The following PPP2R2B variants were observed in gnomAD, a reference collection of about 807,000 sequenced individuals.
The protein encoded by PPP2R2B is serine/threonine-protein phosphatase 2A 55 kDa regulatory subunit B beta isoform.
In PPP2R2B, 5 loss-of-function variants were observed where a neutral mutation model predicts 46.0. The observed-to-expected ratio is 0.11, with a 90% CI of 0.06 to 0.23. The LOEUF is 0.23. Among genes scored for constraint, PPP2R2B ranks in the 10% least tolerant of loss-of-function variants. The pLI is 1.00. For synonymous variants in PPP2R2B, 215 were observed against 206.7 expected, an observed-to-expected ratio of 1.04 and a Z score of -0.34; for missense variants, 367 against 575.0, an observed-to-expected ratio of 0.64 and a Z score of 3.70.
At chr5:146,660,955 T>C (rs1032956761) in intron 5 of PPP2R2B, among the ~76,000 whole-genome samples, 10 of 152,198 alleles carry the variant, frequency 6.6e-5, no homozygotes, top group Non-Finnish European at 1.3e-4. Context: ...AAACTGTCAC[T>C]GATGCTACAA....
chr5:146,852,743 G>T (rs1760422864), intron 2 of PPP2R2B, among the ~76,000 whole-genome samples: 1 of 152,082 alleles, frequency 6.6e-6, no homozygotes, highest in Non-Finnish European at 1.5e-5. Flanking sequence ...AGTATAGACG[G>T]TCCTAAGTTC....
chr5:146,707,396 G>T lies in PPP2R2B; in HGVS notation c.71-6254C>A, dbSNP rs1779929800. The T allele has an allele frequency of 8.9e-6, 7 of 783,858 alleles. No individual in the cohort carries two copies. The Admixed American group carries it at 1.0e-4, about 11-fold the overall frequency. The allele number at this position is 783,858 out of a possible 1,614,324, so 48.6% of individuals were successfully genotyped here. A position where few individuals can be genotyped will look rare whatever the true frequency, so the allele number is the denominator to read the frequency against. On this transcript the variant is annotated intron_variant, in intron 2 of 9. Transcript: ENST00000394411. Reference sequence around the variant, plus strand: ...TTCACCTTCAGGTTAAGGGGGTTCAGCAGGCTCTGGTTGACTGGGACGGCA... The same window carrying T: ...TTCACCTTCAGGTTAAGGGGGTTCATCAGGCTCTGGTTGACTGGGACGGCA...
At chr5:147,032,531 C>T (rs1755838332) in intron 1 of PPP2R2B, among the ~76,000 whole-genome samples, 1 of 151,774 alleles carries the variant, frequency 6.6e-6, no homozygotes, top group Non-Finnish European at 1.5e-5. Context: ...CCCCCGAGTC[C>T]CCAAAGTCCA....
intron 2 of PPP2R2B, among the ~76,000 whole-genome samples, chr5:146,798,821 C>T (rs1756693085): frequency 6.6e-6 from 1 of 152,134 alleles, no homozygotes; most frequent in African/African-American, 2.4e-5. Flanking sequence ...CCAGGGTATA[C>T]AGCTAACAAA....
chr5:146,893,718 G>A (rs563995153), intron 1 of PPP2R2B, among the ~76,000 whole-genome samples: 1 of 152,208 alleles, frequency 6.6e-6, no homozygotes, highest in Non-Finnish European at 1.5e-5. Flanking sequence ...CTGTCAGTGG[G>A]TGGGAGGAAA....
At position 146,878,546 on chromosome 5, in the gene PPP2R2B, C is replaced by A; in HGVS notation, c.-125+45G>T. 7.9e-7 allele frequency: 1 copy of A among 1,260,834 alleles called. No homozygotes were observed. The highest frequency in any genetic ancestry group is 1.0e-6 in the Non-Finnish European group (1 of 984,686). 78.1% of individuals were successfully genotyped at this position (1,260,834 alleles called of 1,614,324 possible). On this transcript the variant is annotated intron_variant, in intron 1 of 9. Transcript: ENST00000394411. The surrounding 1 kb of genome is among the most constrained non-coding windows in gnomAD (Gnocchi z 4.5). ...CGCGACAAAATGGTGCCTTTCTGGACCCGAGCTGCAGTGGCGAGATGGCAG... is the reference window on the plus strand; with the variant it reads ...CGCGACAAAATGGTGCCTTTCTGGAACCGAGCTGCAGTGGCGAGATGGCAG...
chr5:146,844,181 T>C lies in PPP2R2B; in HGVS notation c.70+33821A>G, dbSNP rs1442736933. On this transcript the variant is annotated intron_variant, in intron 2 of 9. Coordinates refer to ENST00000394411, the MANE Select transcript of PPP2R2B (RefSeq NM_181675.4). ...GATCACATGGACACAGGAAGGGGAA[T>C]ATCACACTCTGGGGACTGTGGTGGG... Among the ~76,000 whole-genome samples the C allele has an allele frequency of 2.8e-5, 3 of 105,752 alleles. No homozygotes were observed. The Admixed American group carries it at 3.6e-4, about 13-fold the overall frequency. The allele number at this position is 105,752 out of a possible 152,430, so 69.4% of individuals were successfully genotyped here.
chr5:146,598,561 CT>C (rs1198554204), intron 8 of PPP2R2B, among the ~76,000 whole-genome samples: 1 of 152,160 alleles, frequency 6.6e-6, no homozygotes. Context: ...GTTTAATTGG[CT>C]TAACAGAGCC....
chr5:146,706,476 A>G, intron 2 of PPP2R2B: 2 of 1,165,958 alleles, frequency 1.7e-6, no homozygotes, highest in Non-Finnish European at 2.5e-6. Context: ...CTCGATGTCC[A>G]GGGTCAGCTT....
intron 2 of PPP2R2B, among the ~76,000 whole-genome samples, chr5:146,705,400 G>T (rs1418601643): frequency 1.3e-5 from 2 of 152,142 alleles, no homozygotes; most frequent in Non-Finnish European, 2.9e-5. Context: ...GGTTTTGCGG[G>T]GTCACTTCTA....
intron 1 of PPP2R2B, among the ~76,000 whole-genome samples, chr5:146,948,369 C>A (rs1764551135): frequency 6.6e-6 from 1 of 151,934 alleles, no homozygotes; most frequent in South Asian, 2.1e-4. Context: ...ACCTATTTGT[C>A]TTATAGGTTA....
At chr5:146,686,813 C>T (rs1368257679) in intron 5 of PPP2R2B, among the ~76,000 whole-genome samples, 1 of 152,134 alleles carries the variant, frequency 6.6e-6, no homozygotes, top group African/African-American at 2.4e-5. Flanking sequence ...TCTCACCACC[C>T]AACTTCCATT....
chr5:146,976,286 C>T (rs1752902394), intron 1 of PPP2R2B, among the ~76,000 whole-genome samples: 1 of 151,810 alleles, frequency 6.6e-6, no homozygotes, highest in South Asian at 2.1e-4. Flanking sequence ...TACAGGCATG[C>T]ACCACTACGC....
chr5:146,686,264 A>G (rs1257707847), intron 5 of PPP2R2B, among the ~76,000 whole-genome samples: 5 of 152,202 alleles, frequency 3.3e-5, no homozygotes, highest in Non-Finnish European at 7.3e-5. Flanking sequence ...CTTACAGTTT[A>G]CTGGGGGTGA....
intron 2 of PPP2R2B, among the ~76,000 whole-genome samples, chr5:146,813,132 A>T (rs937950958): frequency 6.6e-6 from 1 of 150,858 alleles, no homozygotes; most frequent in Admixed American, 6.6e-5. Context: ...CTATATATAT[A>T]GTGTGTGTGT....
chr5:146,735,186 A>G (rs1407250858), intron 2 of PPP2R2B, among the ~76,000 whole-genome samples: 1 of 152,218 alleles, frequency 6.6e-6, no homozygotes, highest in Non-Finnish European at 1.5e-5. Context: ...GGGTAGCACA[A>G]TAAATAACAG....
intron 1 of PPP2R2B, among the ~76,000 whole-genome samples, chr5:146,907,032 AAGGCAAG>A (rs1255892704): frequency 6.6e-6 from 1 of 152,202 alleles, no homozygotes; most frequent in Non-Finnish European, 1.5e-5. Flanking sequence ...AAGACCAGGA[AAGGCAAG>A]AGGCTCCTTG....
chr5:146,717,194 A>G (rs1780546673), intron 2 of PPP2R2B, among the ~76,000 whole-genome samples: 1 of 152,368 alleles, frequency 6.6e-6, no homozygotes, highest in African/African-American at 2.4e-5. Flanking sequence ...TAAAACTAGT[A>G]TTTGAGAAAT....
At chr5:146,650,990 GTAGCC>G (rs555840038) in intron 5 of PPP2R2B, among the ~76,000 whole-genome samples, 87 of 152,148 alleles carry the variant, frequency 5.7e-4, no homozygotes, top group African/African-American at 2.0e-3. Flanking sequence ...GCCCCTCCAG[GTAGCC>G]TCATCTCAGG....
Sources: gnomAD v4.1 joint callset for allele counts (sites outside exome capture counted in the v4.1 genomes callset) on GRCh38, gnomAD v4.1.1 for gene constraint, Gnocchi (gnomAD v3.1) non-coding constraint, MANE v1.5 for transcripts, NCBI Gene and HGNC (gene_info 2026-07-23, HGNC 2026-07-21) for gene names.